Variants in RAB5B observed in about 807,000 individuals in gnomAD.
RAB5B encodes RAB5B, member RAS oncogene family.
Under a neutral mutation model 28.6 loss-of-function variants are expected in RAB5B, and 11 were observed. The ratio of observed to expected loss-of-function variants is 0.38; its 90% CI spans 0.24 to 0.64. RAB5B has a LOEUF of 0.64. Ranked by LOEUF, RAB5B falls within the 30% of genes least tolerant of loss-of-function variation. RAB5B has a pLI of 0.53. For missense variants in RAB5B, 169 were observed against 265.6 expected, an observed-to-expected ratio of 0.64 and a Z score of 2.53; for synonymous variants, 93 against 97.9, an observed-to-expected ratio of 0.95 and a Z score of 0.29.
Position 55,996,176 on chromosome 12 carries a change from C to G in RAB5B, c.*3964C>G, listed in dbSNP as rs1384388365. 1.3e-5 allele frequency: 2 copies of G among 151,390 alleles called. No individual in the cohort carries two copies. Among genetic ancestry groups the G allele is most frequent in the East Asian group, 3.9e-4 (2 of 5,174 alleles). The allele number at this position is 151,390 out of a possible 1,614,324, so 9.4% of individuals were successfully genotyped here. On this transcript the variant is annotated 3_prime_UTR_variant, in exon 6 of 6. Coordinates refer to ENST00000360299, the MANE Select transcript of RAB5B (RefSeq NM_002868.4). ...ATCTCTTGGTAATACCCCCCACCCC[C>G]GTTCCCTGATTCCTGGTAAAAGCTC...
At chr12:55,987,530 C>T (rs1889986445) in intron 2 of RAB5B, among the ~76,000 whole-genome samples, 1 of 151,950 alleles carries the variant, frequency 6.6e-6, no homozygotes, top group South Asian at 2.1e-4. Context: ...CCATTCTTTT[C>T]CCCAGAAATG....
rs777127545 is a variant in RAB5B at position 55,995,516 on chromosome 12, C to G, written c.*3304C>G. 2 of 152,214 alleles carry G rather than the reference C, an allele frequency of 1.3e-5. No individual in the cohort carries two copies. Among genetic ancestry groups the G allele is most frequent in the Non-Finnish European group, 2.9e-5 (2 of 68,048 alleles). 9.4% of individuals were successfully genotyped at this position (152,214 alleles called of 1,614,324 possible). A position where few individuals can be genotyped will look rare whatever the true frequency, so the allele number is the denominator to read the frequency against. Reference sequence around the variant, plus strand: ...CTCAACGGGAAAATTTCCTCTGGATCTGCTCTTGACTCCTAGTGTACTTCA... The same window carrying G: ...CTCAACGGGAAAATTTCCTCTGGATGTGCTCTTGACTCCTAGTGTACTTCA... On this transcript the variant is annotated 3_prime_UTR_variant, in exon 6 of 6. Coordinates refer to ENST00000360299, the MANE Select transcript of RAB5B (RefSeq NM_002868.4).
chr12:55,986,745 T>A lies in RAB5B; in HGVS notation c.-92-124T>A, dbSNP rs562699944. 39 of 583,678 alleles carry A rather than the reference T, an allele frequency of 6.7e-5. No homozygotes were observed. The South Asian group carries it at 7.8e-4, about 12-fold the overall frequency. 36.2% of individuals were successfully genotyped at this position (583,678 alleles called of 1,614,324 possible). ...CTCTTACCACTGAGGATCAGCTGCC[T>A]GGGACCTTCTCAGAGCTAAGTCCTC... On this transcript the variant is annotated intron_variant, in intron 1 of 5. Transcript: ENST00000360299.
intron 4 of RAB5B, 83 bp from the exon 5 acceptor site, chr12:55,991,277 A>G: frequency 9.6e-7 from 1 of 1,044,182 alleles, no homozygotes; most frequent in South Asian, 1.3e-5. Flanking sequence ...GATTTTGCCT[A>G]GCTGTTGTGC....
At chr12:55,977,206 C>G (rs1042240590) in intron 1 of RAB5B, among the ~76,000 whole-genome samples, 1 of 152,052 alleles carries the variant, frequency 6.6e-6, no homozygotes, top group African/African-American at 2.4e-5. Context: ...AACTCCTGAC[C>G]TCAGGTGATC....
At chr12:55,989,824 T>C in intron 2 of RAB5B, 123 bp from the exon 3 acceptor site, 1 of 1,184,668 alleles carries the variant, frequency 8.4e-7, no homozygotes, top group South Asian at 1.2e-5. Context: ...CCTTTTCCTG[T>C]AGCTGACTAT....
At position 55,990,122 on chromosome 12, in the gene RAB5B, C is replaced by T. The variant is rs17118211; in HGVS notation, c.315+24C>T. 193 of 1,600,980 alleles carry T rather than the reference C, an allele frequency of 1.2e-4. 1 individual carries two copies. In the African/African-American group the frequency reaches 2.3e-3, roughly 19 times the overall value. On this transcript the variant is annotated intron_variant, in intron 3 of 5. Transcript: ENST00000360299. ...AGGTAAGTGAGCTAAGAAGACTGTC[C>T]TTGTTGGCTGGACATGGTGGCTTAC... is the stretch of plus-strand genomic sequence containing the variant.
intron 1 of RAB5B, among the ~76,000 whole-genome samples, chr12:55,977,233 C>T (rs1034674246): frequency 6.6e-6 from 1 of 152,078 alleles, no homozygotes; most frequent in African/African-American, 2.4e-5. Context: ...CCTCAGCCTC[C>T]CAAAGCACTG....
intron 1 of RAB5B, chr12:55,979,335 T>C (rs978460903): frequency 6.6e-6 from 1 of 152,046 alleles, no homozygotes; most frequent in Non-Finnish European, 1.5e-5. Flanking sequence ...GGGTGCGAGA[T>C]GTGGAAGGAA....
chr12:55,980,981 C>G lies in RAB5B; in HGVS notation c.-92-5888C>G. 2.5e-6 allele frequency: 4 copies of G among 1,613,926 alleles called. No individual in the cohort carries two copies. In the South Asian group the frequency reaches 4.4e-5, roughly 18 times the overall value. ...AATGATCAGACAAGTCTTGCCCACC[C>G]CCGAGTCCCCGATCAGCAGCAACTT... is the stretch of plus-strand genomic sequence containing the variant. On this transcript the variant is annotated intron_variant, in intron 1 of 5. Coordinates refer to ENST00000360299, the MANE Select transcript of RAB5B (RefSeq NM_002868.4).
At chr12:55,992,028 G>A in intron 5 of RAB5B, 69 bp from the exon 6 acceptor site, 1 of 1,172,014 alleles carries the variant, frequency 8.5e-7, no homozygotes, top group Non-Finnish European at 1.2e-6. Context: ...GCCGTTTTTG[G>A]CGGGTGGAGG....
In RAB5B at chr12:55,995,039, C is replaced by G. The variant is rs985438435; in HGVS notation, c.*2827C>G. Reference sequence around the variant, plus strand: ...TCTGTGGATCTTTGGGCCCACTGATCAGATTAGAGAGAGGGGTGCTATTTG... The same window carrying G: ...TCTGTGGATCTTTGGGCCCACTGATGAGATTAGAGAGAGGGGTGCTATTTG... On this transcript the variant is annotated 3_prime_UTR_variant, in exon 6 of 6. Transcript: ENST00000360299. 3 of 151,518 alleles carry G rather than the reference C, an allele frequency of 2.0e-5. No individual in the cohort carries two copies. The highest frequency in any genetic ancestry group is 1.3e-4 in the Admixed American group (2 of 15,184). The allele number at this position is 151,518 out of a possible 1,614,324, so 9.4% of individuals were successfully genotyped here.
chr12:55,975,800 T>G (rs1322131960), intron 1 of RAB5B, among the ~76,000 whole-genome samples: 1 of 146,942 alleles, frequency 6.8e-6, no homozygotes, highest in African/African-American at 2.5e-5. Flanking sequence ...CTTTTTTTTT[T>G]TTTTTTTTTT....
intron 1 of RAB5B, chr12:55,979,470 T>G (rs1433737752): frequency 6.6e-6 from 1 of 152,162 alleles, no homozygotes; most frequent in Admixed American, 6.5e-5. Context: ...GAGAGGGAGA[T>G]GAAGGTATTT....
intron 1 of RAB5B, among the ~76,000 whole-genome samples, chr12:55,975,370 G>C (rs1033726135): frequency 1.3e-5 from 2 of 152,112 alleles, no homozygotes; most frequent in Non-Finnish European, 2.9e-5. Context: ...ATCACCCCTT[G>C]TTCTTTGTCT....
chr12:55,986,895 C>A lies in RAB5B; in HGVS notation c.-66C>A. ...AGTGTTGAAGCCTGGAAATCCCCTC[C>A]CCTTCCCCCTCCCCCCTTTACAGTA... On this transcript the variant is annotated 5_prime_UTR_variant, in exon 2 of 6. Transcript: ENST00000360299. 1 of 488,714 alleles carries A rather than the reference C, an allele frequency of 2.0e-6. No individual in the cohort carries two copies. The highest frequency in any genetic ancestry group is 4.7e-5 in the East Asian group (1 of 21,066). 30.3% of individuals were successfully genotyped at this position (488,714 alleles called of 1,614,324 possible). A position where few individuals can be genotyped will look rare whatever the true frequency, so the allele number is the denominator to read the frequency against.
At chr12:55,985,465 T>C in intron 1 of RAB5B, 2 of 252,150 alleles carry the variant, frequency 7.9e-6, no homozygotes, top group South Asian at 7.4e-5. Flanking sequence ...GGTTTTTGCA[T>C]GCTCTGCCTA....
chr12:55,990,875 C>G (rs144299323), intron 4 of RAB5B, 71 bp downstream of exon 4: 4 of 1,573,218 alleles, frequency 2.5e-6, no homozygotes, highest in Admixed American at 3.5e-5. Context: ...CCAAACCAGC[C>G]CTCTCTGAAA....
intron 2 of RAB5B, 32 bp from the exon 3 acceptor site, chr12:55,989,915 C>G (rs750886953): frequency 6.3e-7 from 1 of 1,595,424 alleles, no homozygotes; most frequent in East Asian, 2.2e-5. Flanking sequence ...CTCCCACTTA[C>G]AGCATCTTCC....
Sources: gnomAD v4.1 joint callset for allele counts (sites outside exome capture counted in the v4.1 genomes callset) on GRCh38, gnomAD v4.1.1 for gene constraint, MANE v1.5 for transcripts, NCBI Gene and HGNC (gene_info 2026-07-23, HGNC 2026-07-21) for gene names.